The following ZMYND11 variants were observed in gnomAD, a reference collection of about 807,000 sequenced individuals.
ZMYND11 encodes zinc finger MYND domain-containing protein 11.
A neutral mutation model predicts 84.9 loss-of-function variants in ZMYND11; 9 were observed. The ratio of observed to expected loss-of-function variants is 0.11; its 90% CI spans 0.06 to 0.18. The LOEUF (loss-of-function observed/expected upper bound fraction) is 0.18, where lower values mean the gene tolerates loss of function less well. ZMYND11 is among the 10% of genes least tolerant of loss of function. ZMYND11 has a pLI of 1.00. For missense variants in ZMYND11, 409 were observed against 761.0 expected (o/e 0.54, Z 5.44); for synonymous variants, 250 against 244.1 (o/e 1.02, Z -0.23).
At chr10:134,449 C>G (rs1308307393), upstream of ZMYND11, 1 of 152,230 alleles carries the variant, frequency 6.6e-6, no homozygotes, top group African/African-American at 2.4e-5. Context: ...GAATTCCTCT[C>G]CATAGAAGAT....
chr10:169,368 A>G (rs1844746443), intron 1 of ZMYND11, among the ~76,000 whole-genome samples: 1 of 152,162 alleles, frequency 6.6e-6, no homozygotes, highest in Non-Finnish European at 1.5e-5. Context: ...CCTTTTACCC[A>G]GTACATAACG....
chr10:135,890 C>T lies in ZMYND11; in HGVS notation c.-20+331C>T, dbSNP rs1835884962. On this transcript the variant is annotated intron_variant, in intron 1 of 14. Transcript: ENST00000381604. The surrounding 1 kb of genome is among the most constrained non-coding windows in gnomAD (Gnocchi z 5.6). ...GGGGCCTGCTCGGGCCGGGAAGCCG[C>T]GGAGTCGCGTGAGCACCGCCCGCCG... 6.6e-6 allele frequency among the ~76,000 whole-genome samples: 1 copy of T among 151,232 alleles called. No individual in the cohort carries two copies. Among genetic ancestry groups the T allele is most frequent in the Non-Finnish European group, 1.5e-5 (1 of 67,746 alleles).
chr10:198,590 T>A (rs769819195), intron 2 of ZMYND11, among the ~76,000 whole-genome samples: 3 of 152,200 alleles, frequency 2.0e-5, no homozygotes, highest in African/African-American at 7.2e-5. Context: ...TTTAGTGTTA[T>A]GAAAACTAAA....
At chr10:139,794 C>T (rs1554753501) in intron 1 of ZMYND11, among the ~76,000 whole-genome samples, 1 of 149,302 alleles carries the variant, frequency 6.7e-6, no homozygotes, top group African/African-American at 2.5e-5. Context: ...TCACTACAAC[C>T]TCCACCTCCT....
chr10:161,288 G>T (rs1172689057), intron 1 of ZMYND11, among the ~76,000 whole-genome samples: 1 of 152,210 alleles, frequency 6.6e-6, no homozygotes, highest in African/African-American at 2.4e-5. Flanking sequence ...TGAGCAGAAA[G>T]TCTCAACAGT....
At chr10:199,138 TA>T (rs1051015946) in intron 2 of ZMYND11, among the ~76,000 whole-genome samples, 1 of 152,188 alleles carries the variant, frequency 6.6e-6, no homozygotes, top group Non-Finnish European at 1.5e-5. Context: ...CTAAATGAAT[TA>T]TTTTTTTAGT....
At chr10:132,252 A>G (rs970850650), upstream of ZMYND11, among the ~76,000 whole-genome samples, 2 of 150,290 alleles carry the variant, frequency 1.3e-5, no homozygotes, top group Admixed American at 6.7e-5. Flanking sequence ...TCTTCACAAT[A>G]AATCTTGCTG....
chr10:251,790 C>T (rs926156055), intron 14 of ZMYND11, among the ~76,000 whole-genome samples: 4 of 152,174 alleles, frequency 2.6e-5, no homozygotes, highest in African/African-American at 9.7e-5. Flanking sequence ...TCCCAGGCCT[C>T]TGTCTGCCAG....
chr10:239,173 C>G (rs17221239), intron 6 of ZMYND11, among the ~76,000 whole-genome samples: 37,973 of 152,114 alleles, frequency 0.25, 5,856 homozygotes, highest in Non-Finnish European at 0.35. Context: ...ATGAGATGTT[C>G]AAGCCATTAA....
chr10:147,938 A>C (rs543890507), intron 1 of ZMYND11: 2 of 152,200 alleles, frequency 1.3e-5, no homozygotes, highest in Non-Finnish European at 2.9e-5. Flanking sequence ...GATGTCTCCT[A>C]ATCCTGATAG....
rs150722038 is a variant in ZMYND11 at position 214,321 on chromosome 10, A to T, written c.276+4273A>T. Among the ~76,000 whole-genome samples the T allele has an allele frequency of 4.0e-4, 61 of 152,312 alleles. No homozygotes were observed. The East Asian group carries it at 0.011, about 27-fold the overall frequency. On this transcript the variant is annotated intron_variant, in intron 3 of 14. Coordinates refer to ENST00000381604, the MANE Select transcript of ZMYND11 (RefSeq NM_001370100.5). ...CAAGCAAACAGAAGTATACGTACTG[A>T]GGAGCCAGGTGTGATGGCACACACC...
intron 3 of ZMYND11, among the ~76,000 whole-genome samples, chr10:213,779 C>T (rs976084139): frequency 6.6e-5 from 10 of 152,094 alleles, no homozygotes; most frequent in Non-Finnish European, 4.4e-5. Flanking sequence ...GACAAAAGTG[C>T]AGTTTTCTCT....
chr10:234,226 A>G (rs533392479), intron 4 of ZMYND11, among the ~76,000 whole-genome samples: 2 of 152,366 alleles, frequency 1.3e-5, no homozygotes, highest in South Asian at 4.1e-4. Flanking sequence ...GGAAACAACA[A>G]CAACAGCAAC....
chr10:131,586 G>A (rs536139363), upstream of ZMYND11, among the ~76,000 whole-genome samples: 1 of 152,250 alleles, frequency 6.6e-6, no homozygotes, highest in Admixed American at 6.5e-5. Flanking sequence ...GTGCAGGGAT[G>A]CAATCATAGC....
intron 7 of ZMYND11, 45 bp from the exon 8 acceptor site, chr10:240,011 A>G (rs770283669): frequency 1.1e-5 from 17 of 1,524,772 alleles, no homozygotes; most frequent in Non-Finnish European, 1.4e-5. Flanking sequence ...TGAGTCTTGT[A>G]TTTGCAGACT....
intron 2 of ZMYND11, among the ~76,000 whole-genome samples, chr10:196,890 C>A (rs12411306): frequency 0.29 from 43,793 of 151,864 alleles, 6,755 homozygotes; most frequent in East Asian, 0.48. Context: ...CATGTAAATG[C>A]AACAGTCCAG....
chr10:237,776 T>A, intron 6 of ZMYND11, 99 bp downstream of exon 6: 1 of 784,384 alleles, frequency 1.3e-6, no homozygotes, highest in Non-Finnish European at 2.0e-6. Flanking sequence ...TGCTCTTCTT[T>A]CCTTGAAAGT....
chr10:156,328 ACT>A (rs782785174), intron 1 of ZMYND11, among the ~76,000 whole-genome samples: 24 of 152,126 alleles, frequency 1.6e-4, no homozygotes, highest in Non-Finnish European at 3.1e-4. Flanking sequence ...GTTTATTTAT[ACT>A]CTGTTTAAGC....
intron 2 of ZMYND11, among the ~76,000 whole-genome samples, chr10:209,153 C>T (rs373310331): frequency 6.6e-6 from 1 of 151,958 alleles, no homozygotes; most frequent in South Asian, 2.1e-4. Flanking sequence ...AAAAAAGATA[C>T]AAAGCAAATA....
Sources: allele counts gnomAD v4.1 joint callset (sites outside exome capture counted in the v4.1 genomes callset), GRCh38; gene constraint gnomAD v4.1.1; non-coding constraint Gnocchi (gnomAD v3.1); transcripts MANE v1.5; gene names NCBI Gene and HGNC (gene_info 2026-07-23, HGNC 2026-07-21).